SUPT7L: variants seen among roughly 807,000 people sequenced by gnomAD.
The protein encoded by SUPT7L is STAGA complex 65 subunit gamma.
In SUPT7L, 15 loss-of-function variants were observed where a neutral mutation model predicts 35.7. The observed-to-expected ratio is 0.42, with a 90% CI of 0.28 to 0.65. The LOEUF is 0.65. Ranked by LOEUF, SUPT7L falls within the 30% of genes least tolerant of loss-of-function variation. SUPT7L has a pLI of 0.23. For synonymous variants in SUPT7L, 168 were observed against 186.2 expected, an observed-to-expected ratio of 0.90 and a Z score of 0.79; for missense variants, 434 against 522.2, an observed-to-expected ratio of 0.83 and a Z score of 1.65.
intron 5 of SUPT7L, among the ~76,000 whole-genome samples, 181 bp from the exon 6 acceptor site, chr2:27,653,928 A>C (rs1674677331): frequency 6.6e-6 from 1 of 152,158 alleles, no homozygotes; most frequent in South Asian, 2.1e-4. Flanking sequence ...ACCATCCCAA[A>C]AAATTACCAG....
chr2:27,657,489 A>G lies in SUPT7L; in HGVS notation c.600T>C (p.Ala200=), dbSNP rs1305508250. The stretch of plus-strand genomic sequence containing the variant: ...GTCCCAGCCGGGCCTCCCGGTCCAC[A>G]GCAAAACGCAGCAACTTGGTAAACT... The part of the protein sequence containing the change: ...CLKFTKLLRF[A]VDREARLGQT... The change falls in exon 4 of 6, where the codon GCT becomes GCC. Residue 200 remains alanine, a synonymous_variant. Coordinates refer to ENST00000337768, the MANE Select transcript of SUPT7L (RefSeq NM_014860.3). This position sits in a 1 kb window ranked among gnomAD's most constrained non-coding sequence, Gnocchi z 5.2. 15 of 1,614,268 alleles carry G rather than the reference A, an allele frequency of 9.3e-6. No homozygotes were observed. The highest frequency in any genetic ancestry group is 1.3e-5 in the Non-Finnish European group (15 of 1,180,048).
downstream of SUPT7L, chr2:27,650,007 C>T (rs1346822525): frequency 3.0e-6 from 2 of 668,014 alleles, no homozygotes; most frequent in East Asian, 2.7e-5. Flanking sequence ...GAAGTGAGTA[C>T]TTAAGTTTCT....
downstream of SUPT7L, chr2:27,647,803 G>A (rs2148090624): frequency 1.6e-6 from 2 of 1,224,548 alleles, no homozygotes; most frequent in East Asian, 2.3e-5. Flanking sequence ...CCTTTTTGAG[G>A]AGGCATATCA....
At chr2:27,646,818 A>G (rs1674256290), downstream of SUPT7L, among the ~76,000 whole-genome samples, 1 of 152,136 alleles carries the variant, frequency 6.6e-6, no homozygotes, top group Non-Finnish European at 1.5e-5. Context: ...TCTAGTAGAG[A>G]ACAGCAAAGC....
chr2:27,643,321 ATTCT>A, the SUPT7L span, among the ~76,000 whole-genome samples: 2 of 151,734 alleles, frequency 1.3e-5, no homozygotes, highest in African/African-American at 4.8e-5. The surrounding 1 kb of genome is among the most constrained non-coding windows in gnomAD (Gnocchi z 4.0). Flanking sequence ...TGTTTACTTT[ATTCT>A]TTATCTATAT....
In SUPT7L at chr2:27,657,406, A is replaced by C. The variant is rs1051361501; in HGVS notation, c.683T>G (p.Val228Gly). 6 of 1,614,244 alleles carry C rather than the reference A, an allele frequency of 3.7e-6. No homozygotes were observed. The highest frequency in any genetic ancestry group is 5.1e-6 in the Non-Finnish European group (6 of 1,180,042). The change falls in exon 4 of 6, where the codon GTG becomes GGG. Residue 228 changes from valine to glycine, a missense_variant. Physicochemically the swap from Val to Gly is moderately radical, Grantham distance 109 (BLOSUM62 -3). Coordinates refer to ENST00000337768, the MANE Select transcript of SUPT7L (RefSeq NM_014860.3). This position sits in a 1 kb window ranked among gnomAD's most constrained non-coding sequence, Gnocchi z 5.2. ...QVFHEVGIGS[V>G]LSLQKFWQHR... is the part of the protein sequence containing the mutation. ...CTGCCAGAACTTCTGGAGGGAGAGC[A>C]CACTGCCAATACCCACTTCATGGAA...
the SUPT7L span, among the ~76,000 whole-genome samples, chr2:27,644,267 A>G: frequency 6.6e-6 from 1 of 152,210 alleles, no homozygotes; most frequent in African/African-American, 2.4e-5. Flanking sequence ...CTTTGAGACT[A>G]TAAATATCCT....
In SUPT7L at chr2:27,655,488, C is replaced by T. The variant is rs750367400; in HGVS notation, c.859G>A (p.Val287Ile). 49 of 1,614,064 alleles carry T rather than the reference C, an allele frequency of 3.0e-5. No individual in the cohort carries two copies. Among genetic ancestry groups the T allele is most frequent in the Admixed American group, 5.0e-5 (3 of 60,000 alleles). ...AGGTCAGCCTCCAGCTCCTCACTGA[C>T]AGGAAAAGTGATGTCGCTCACAGGT... ...EEPVSDITFP[V>I]SEELEADLAS... is the part of the protein sequence containing the mutation. Residue 287 changes from valine (V) to isoleucine (I), a missense_variant, in exon 5 of 6, where the codon GTC becomes ATC. Physicochemically the swap from Val to Ile is conservative, Grantham distance 29 (BLOSUM62 3). Around this residue, in one of 3 missense-constraint regions of SUPT7L, gnomAD observed 159 missense variants for 217.1 expected, o/e 0.73. Transcript: ENST00000337768.
Position 27,653,066 on chromosome 2 carries a change from G to A in SUPT7L, c.*419C>T, listed in dbSNP as rs1674630832. On this transcript the variant is annotated 3_prime_UTR_variant, in exon 6 of 6. Transcript: ENST00000337768. ...TCAAGTTAAATGAAAACTGACATCT[G>A]ATATGAGCATATATTATTAGTCTAT... 1 of 171,536 alleles carries A rather than the reference G, an allele frequency of 5.8e-6. No individual in the cohort carries two copies. Among genetic ancestry groups the A allele is most frequent in the South Asian group, 1.3e-4 (1 of 7,638 alleles). 10.6% of individuals were successfully genotyped at this position (171,536 alleles called of 1,614,324 possible).
rs1674839224 is a variant in SUPT7L at position 27,657,071 on chromosome 2, T to C, written c.744+274A>G. ...CAACAGGCACTCAATAAATACTTGT[T>C]GAATAAAATCAGACTAACTGCATTC... On this transcript the variant is annotated intron_variant, in intron 4 of 5. Transcript: ENST00000337768. This position sits in a 1 kb window ranked among gnomAD's most constrained non-coding sequence, Gnocchi z 5.2. Among the ~76,000 whole-genome samples, 1 of 152,246 alleles carries C rather than the reference T, an allele frequency of 6.6e-6. No individual in the cohort carries two copies.
Position 27,661,268 on chromosome 2 carries a change from G to A in SUPT7L, c.135C>T (p.Asn45=). ...CCAGCATAGTGGGGGGCTTCGGCTT[G>A]TTGGCTGAGGGTTGGTGCAGGGGTG... ...HDPPLHQPSA[N]KPKPPTMLDI... is the part of the protein sequence containing the mutation. The change falls in exon 3 of 6, where the codon AAC becomes AAT. Residue 45 remains asparagine (N), a synonymous_variant. Coordinates refer to ENST00000337768, the MANE Select transcript of SUPT7L (RefSeq NM_014860.3). The A allele has an allele frequency of 6.2e-7, 1 of 1,613,636 alleles. No homozygotes were observed. The highest frequency in any genetic ancestry group is 8.5e-7 in the Non-Finnish European group (1 of 1,179,712).
rs552816081 is a variant in SUPT7L at position 27,653,889 on chromosome 2, T to C, written c.983-142A>G. ...TGATTCTGTACTTGGCTGGAGAATA[T>C]GGTTGTTACTCTCTGCTTCAAAAAG... On this transcript the variant is annotated intron_variant, in intron 5 of 5. Coordinates refer to ENST00000337768, the MANE Select transcript of SUPT7L (RefSeq NM_014860.3). 253 of 1,091,586 alleles carry C rather than the reference T, an allele frequency of 2.3e-4. 1 individual carries two copies. The highest frequency in any genetic ancestry group is 3.3e-4 in the Admixed American group (12 of 36,716). 67.6% of individuals were successfully genotyped at this position (1,091,586 alleles called of 1,614,324 possible).
chr2:27,653,454 G>T lies in SUPT7L; in HGVS notation c.*31C>A. 6.2e-7 allele frequency: 1 copy of T among 1,604,938 alleles called. No homozygotes were observed. ...AAAACCTTTTCTGTTGGGTCTAGTA[G>T]GTCTGGACAAAACATCTCCCTCTTT... On this transcript the variant is annotated 3_prime_UTR_variant, in exon 6 of 6. Coordinates refer to ENST00000337768, the MANE Select transcript of SUPT7L (RefSeq NM_014860.3).
the SUPT7L span, among the ~76,000 whole-genome samples, chr2:27,643,560 T>C: frequency 6.6e-6 from 1 of 152,200 alleles, no homozygotes; most frequent in African/African-American, 2.4e-5. This position sits in a 1 kb window ranked among gnomAD's most constrained non-coding sequence, Gnocchi z 4.0. Flanking sequence ...CATTTCCCCA[T>C]GATAGCAGGA....
intron 5 of SUPT7L, 88 bp downstream of exon 5, chr2:27,655,277 C>G: frequency 1.6e-6 from 2 of 1,224,362 alleles, no homozygotes; most frequent in Non-Finnish European, 2.3e-6. Flanking sequence ...TTTTGTTCTT[C>G]TACCTCTTGA....
chr2:27,642,954 T>TACACACAC, the SUPT7L span, among the ~76,000 whole-genome samples: 483 of 46,792 alleles, frequency 0.01, 1 homozygote, highest in East Asian at 0.1. Context: ...TATATATATA[T>TACACACAC]ATATACACAC....
chr2:27,642,954 T>TACACACACAC, the SUPT7L span, among the ~76,000 whole-genome samples: 436 of 46,790 alleles, frequency 9.3e-3, 1 homozygote, highest in East Asian at 0.12. Context: ...TATATATATA[T>TACACACACAC]ATATACACAC....
At chr2:27,660,151 A>G (rs574771279) in intron 3 of SUPT7L, among the ~76,000 whole-genome samples, 94 of 152,276 alleles carry the variant, frequency 6.2e-4, no homozygotes, top group African/African-American at 2.1e-3. Context: ...CATATCTAAA[A>G]AACTGCCAGG....
chr2:27,654,829 G>C (rs895099876), intron 5 of SUPT7L, among the ~76,000 whole-genome samples: 7 of 152,102 alleles, frequency 4.6e-5, no homozygotes, highest in African/African-American at 1.7e-4. Context: ...GCCTCCCAAA[G>C]TGCTGAGATT....
Sources: gnomAD v4.1 joint callset for allele counts (sites outside exome capture counted in the v4.1 genomes callset) on GRCh38, gnomAD v4.1.1 for gene constraint, gnomAD v4.1.1 regional missense constraint, Gnocchi (gnomAD v3.1) non-coding constraint, MANE v1.5 for transcripts, NCBI Gene and HGNC (gene_info 2026-07-23, HGNC 2026-07-21) for gene names.